The following UNC5C variants were observed in gnomAD, a reference collection of about 807,000 sequenced individuals.
UNC5C encodes the protein netrin receptor UNC5C.
A neutral mutation model predicts 99.8 loss-of-function variants in UNC5C; 47 were observed. The observed-to-expected ratio is 0.47, with a 90% CI of 0.37 to 0.60. The LOEUF (loss-of-function observed/expected upper bound fraction) is 0.60, where lower values mean the gene tolerates loss of function less well. Ranked by LOEUF, UNC5C falls within the 20% of genes least tolerant of loss-of-function variation. The pLI, the probability that UNC5C is intolerant of heterozygous loss-of-function variation, is 0.00. For synonymous variants in UNC5C, 487 were observed against 452.2 expected (o/e 1.08, Z -0.98); for missense variants, 1,062 against 1,165.9 (o/e 0.91, Z 1.30).
At chr4:95,476,494 T>A (rs1048630908) in intron 1 of UNC5C, among the ~76,000 whole-genome samples, 1 of 152,082 alleles carries the variant, frequency 6.6e-6, no homozygotes, top group East Asian at 1.9e-4. Context: ...AAATAAAATA[T>A]AACTTTTTAG....
intron 2 of UNC5C, among the ~76,000 whole-genome samples, chr4:95,305,703 T>C (rs903042949): frequency 6.6e-6 from 1 of 152,206 alleles, no homozygotes; most frequent in Admixed American, 6.5e-5. Flanking sequence ...TGATTTGTTT[T>C]TATAATAGGA....
chr4:95,452,236 C>A (rs1747298670), intron 1 of UNC5C, among the ~76,000 whole-genome samples: 1 of 149,114 alleles, frequency 6.7e-6, no homozygotes, highest in African/African-American at 2.5e-5. Flanking sequence ...GCAGTCAACT[C>A]TTTGCATATA....
chr4:95,389,493 C>A (rs1472272312), intron 1 of UNC5C, among the ~76,000 whole-genome samples: 1 of 151,988 alleles, frequency 6.6e-6, no homozygotes, highest in East Asian at 1.9e-4. Context: ...TATCTGGTAG[C>A]CACTAGCTAT....
intron 1 of UNC5C, among the ~76,000 whole-genome samples, chr4:95,480,714 C>T (rs1412980795): frequency 1.3e-5 from 2 of 151,530 alleles, no homozygotes; most frequent in Non-Finnish European, 2.9e-5. Flanking sequence ...GTACGCAAAT[C>T]AATAAATGTA....
intron 1 of UNC5C, among the ~76,000 whole-genome samples, chr4:95,347,553 A>G (rs577666191): frequency 6.6e-6 from 1 of 152,238 alleles, no homozygotes; most frequent in Non-Finnish European, 1.5e-5. Flanking sequence ...CTGACATAAA[A>G]ACAGACACAC....
chr4:95,203,048 G>T, intron 11 of UNC5C, 84 bp from the exon 12 acceptor site: 2 of 1,228,574 alleles, frequency 1.6e-6, no homozygotes, highest in Non-Finnish European at 2.4e-6. Flanking sequence ...GGTGAGTAGA[G>T]CAGGACCTAT....
intron 5 of UNC5C, among the ~76,000 whole-genome samples, chr4:95,249,627 T>C (rs1739621502): frequency 6.6e-6 from 1 of 152,060 alleles, no homozygotes; most frequent in Admixed American, 6.5e-5. Context: ...AATAACTGAG[T>C]GCTAAACCAC....
intron 3 of UNC5C, among the ~76,000 whole-genome samples, chr4:95,281,955 C>G (rs1741074631): frequency 6.6e-6 from 1 of 152,140 alleles, no homozygotes; most frequent in South Asian, 2.1e-4. Context: ...CCAACCTTAA[C>G]AAAATAAGTG....
chr4:95,234,988 T>G (rs1739057293), intron 7 of UNC5C, among the ~76,000 whole-genome samples: 1 of 152,206 alleles, frequency 6.6e-6, no homozygotes, highest in Admixed American at 6.5e-5. Flanking sequence ...TATATATCTG[T>G]ATGTGATAGG....
At chr4:95,462,920 G>A (rs928707766) in intron 1 of UNC5C, among the ~76,000 whole-genome samples, 4 of 152,136 alleles carry the variant, frequency 2.6e-5, no homozygotes, top group Non-Finnish European at 5.9e-5. Context: ...TGATGGCCTT[G>A]AGGCTGCTCT....
chr4:95,483,960 G>A lies in UNC5C; in HGVS notation c.124+64774C>T, dbSNP rs141277592. On this transcript the variant is annotated intron_variant, in intron 1 of 15. Transcript: ENST00000453304. ...ATTCATTCATATTCTAATATGTCAG[G>A]CACCATTCTAGGCATTAGGGTTTAA... Among the ~76,000 whole-genome samples, 773 of 151,922 alleles carry A rather than the reference G, an allele frequency of 5.1e-3. 8 individuals carry two copies. The highest frequency in any genetic ancestry group is 0.017 in the African/African-American group (720 of 41,508).
At chr4:95,393,195 G>A (rs1160349989) in intron 1 of UNC5C, among the ~76,000 whole-genome samples, 1 of 152,220 alleles carries the variant, frequency 6.6e-6, no homozygotes, top group Non-Finnish European at 1.5e-5. Context: ...AGATGGTTCA[G>A]AAGGAATCTA....
Position 95,240,622 on chromosome 4 carries a change from A to AC in UNC5C, c.1108+1806_1108+1807insG, listed in dbSNP as rs557480240. Among the ~76,000 whole-genome samples the AC allele has an allele frequency of 2.3e-4, 35 of 151,902 alleles. 1 individual carries two copies. The South Asian group carries it at 6.7e-3, about 29-fold the overall frequency. ...CAAGAGACGTGATAAAAATACAAAC[A>AC]AAAACAAACACAAACACAAACAAAC... On this transcript the variant is annotated intron_variant, in intron 7 of 15. Transcript: ENST00000453304.
At chr4:95,312,477 G>A (rs1232145878) in intron 2 of UNC5C, among the ~76,000 whole-genome samples, 2 of 152,166 alleles carry the variant, frequency 1.3e-5, no homozygotes, top group Non-Finnish European at 2.9e-5. Context: ...AAGGTAACTA[G>A]TATTTTTTGA....
intron 7 of UNC5C, among the ~76,000 whole-genome samples, chr4:95,224,412 G>GT (rs1262779767): frequency 1.3e-5 from 2 of 152,210 alleles, no homozygotes; most frequent in Non-Finnish European, 2.9e-5. Context: ...GCAGTTCTGA[G>GT]TTTTTTGTCC....
intron 1 of UNC5C, among the ~76,000 whole-genome samples, chr4:95,499,522 C>T (rs1022278511): frequency 3.9e-5 from 6 of 152,052 alleles, no homozygotes; most frequent in South Asian, 2.1e-4. Flanking sequence ...AATCTCACTC[C>T]CATGCACTTT....
chr4:95,220,320 T>G, intron 7 of UNC5C, 144 bp from the exon 8 acceptor site: 1 of 854,530 alleles, frequency 1.2e-6, no homozygotes. Context: ...ATAAAATGGC[T>G]GTGGCCTTTC....
At chr4:95,433,950 C>T (rs974858556) in intron 1 of UNC5C, among the ~76,000 whole-genome samples, 7 of 152,072 alleles carry the variant, frequency 4.6e-5, no homozygotes, top group African/African-American at 1.7e-4. Flanking sequence ...TGTCCCTCCT[C>T]ATCTTCGATC....
chr4:95,537,194 C>T (rs1246053193), intron 1 of UNC5C, among the ~76,000 whole-genome samples: 1 of 152,050 alleles, frequency 6.6e-6, no homozygotes, highest in Admixed American at 6.6e-5. Context: ...TGTGATGCCT[C>T]TGGTTAGAAT....
Sources: gnomAD v4.1 joint callset for allele counts (sites outside exome capture counted in the v4.1 genomes callset) on GRCh38, gnomAD v4.1.1 for gene constraint, MANE v1.5 for transcripts, NCBI Gene and HGNC (gene_info 2026-07-23, HGNC 2026-07-21) for gene names.